Variants in DENND3 observed in about 807,000 individuals in gnomAD.
The protein encoded by DENND3 is DENN domain containing 3.
A neutral mutation model predicts 135.1 loss-of-function variants in DENND3; 88 were observed. The observed-to-expected ratio is 0.65, with a 90% CI of 0.55 to 0.78. The LOEUF (loss-of-function observed/expected upper bound fraction) is 0.78, where lower values mean the gene tolerates loss of function less well. DENND3 is among the 30% of genes least tolerant of loss of function. The pLI is 0.00. For synonymous variants in DENND3, 693 were observed against 712.3 expected, an observed-to-expected ratio of 0.97 and a Z score of 0.43; for missense variants, 1,392 against 1,688.4, an observed-to-expected ratio of 0.82 and a Z score of 3.08.
Position 141,175,356 on chromosome 8 carries a change from C to T in DENND3, c.2432C>T (p.Thr811Ile). ...TGTAAGTTGTCCAGCTCCGTCAAGA[C>T]AAACCTAGGCGTTGGCAAGATCGCC... ...CVCKLSSSVK[T>I]NLGVGKIAMT... The change falls in exon 14 of 23, where the codon ACA becomes ATA. Residue 811 changes from threonine (T) to isoleucine (I), a missense_variant. By Grantham distance (89) the Thr-to-Ile change is moderately conservative (BLOSUM62 -1). Coordinates refer to ENST00000519811, the MANE Select transcript of DENND3 (RefSeq NM_001352890.3). The surrounding 1 kb of genome is among the most constrained non-coding windows in gnomAD (Gnocchi z 5.4). 2 of 1,614,224 alleles carry T rather than the reference C, an allele frequency of 1.2e-6. No homozygotes were observed. Among genetic ancestry groups the T allele is most frequent in the Non-Finnish European group, 1.7e-6 (2 of 1,180,040 alleles).
intron 18 of DENND3, 99 bp downstream of exon 18, chr8:141,185,377 C>G: frequency 6.7e-7 from 1 of 1,489,572 alleles, no homozygotes; most frequent in Non-Finnish European, 9.1e-7. Context: ...ACAAGCTATT[C>G]CACAGCCTCA....
chr8:141,160,749 A>G lies in DENND3; in HGVS notation c.1314A>G (p.Ile438Met), dbSNP rs1820036656. The change falls in exon 9 of 23, where the codon ATA (isoleucine) becomes ATG (methionine). Residue 438 changes from isoleucine to methionine, a missense_variant. Coordinates refer to ENST00000519811, the MANE Select transcript of DENND3 (RefSeq NM_001352890.3). ...RSWQQKLNCQIQQTTLQLLVS... is the reference protein window; with the variant it reads ...RSWQQKLNCQMQQTTLQLLVS... ...GGCAGCAGAAACTCAACTGCCAGAT[A>G]CAGCAGACCACCCTGCAGCTGCTCG... The G allele has an allele frequency of 6.2e-7, 1 of 1,612,986 alleles. No individual in the cohort carries two copies. Among genetic ancestry groups the G allele is most frequent in the East Asian group, 2.2e-5 (1 of 44,870 alleles).
At chr8:141,159,370 CT>C (rs1408274699) in intron 8 of DENND3, among the ~76,000 whole-genome samples, 8 of 152,352 alleles carry the variant, frequency 5.3e-5, no homozygotes, top group Admixed American at 2.6e-4. Flanking sequence ...CCCACTCCCC[CT>C]ACCATGCTGG....
chr8:141,190,371 A>C lies in DENND3; in HGVS notation c.3333A>C (p.Arg1111=), dbSNP rs778223860. The C allele has an allele frequency of 5.0e-6, 8 of 1,612,806 alleles. No homozygotes were observed. The Admixed American group carries it at 6.7e-5, about 13-fold the overall frequency. Residue 1111 remains arginine (R), a synonymous_variant, in exon 20 of 23, where the codon CGA becomes CGC. Transcript: ENST00000519811. The part of the protein sequence containing the change: ...LQVTSRFQLP[R]GGLTSIRLHG... ...TGACCAGCCGCTTCCAGCTGCCGCG[A>C]GGTGGCCTGACGTCCATCAGACTGC...
chr8:141,177,768 A>G, intron 15 of DENND3: 1 of 297,242 alleles, frequency 3.4e-6, no homozygotes, highest in South Asian at 7.2e-5. Flanking sequence ...CGGTGCTCCC[A>G]TGCCGCAGTG....
At chr8:141,156,070 TG>T (rs1819391755) in intron 8 of DENND3, 100 bp downstream of exon 8, 1 of 1,405,594 alleles carries the variant, frequency 7.1e-7, no homozygotes, top group East Asian at 2.5e-5. Context: ...AACTGATAGA[TG>T]TTTTATATAT....
intron 1 of DENND3, among the ~76,000 whole-genome samples, chr8:141,136,268 G>A (rs1308766589): frequency 6.6e-6 from 1 of 152,184 alleles, no homozygotes; most frequent in Non-Finnish European, 1.5e-5. Context: ...GTGAGGTCCT[G>A]CTGTCCATGT....
chr8:141,186,373 A>G (rs967016496), intron 18 of DENND3, among the ~76,000 whole-genome samples: 5 of 152,038 alleles, frequency 3.3e-5, no homozygotes, highest in Non-Finnish European at 7.4e-5. Context: ...GCCCAGCAAA[A>G]CTCAGTGTCC....
chr8:141,147,564 A>C lies in DENND3; in HGVS notation c.736-3270A>C, dbSNP rs551222092. On this transcript the variant is annotated intron_variant, in intron 5 of 22. Transcript: ENST00000519811. ...ATTTTCTTGTGGCCAGCTGTGGCTCATCTCTGGTCACTCTCAGCGGTCAGG... is the reference window on the plus strand; with the variant it reads ...ATTTTCTTGTGGCCAGCTGTGGCTCCTCTCTGGTCACTCTCAGCGGTCAGG... 1.4e-4 allele frequency among the ~76,000 whole-genome samples: 21 copies of C among 152,290 alleles called. No homozygotes were observed. In the South Asian group the frequency reaches 4.3e-3, roughly 32 times the overall value.
chr8:141,191,350 G>GT (rs1170651124), intron 20 of DENND3: 1 of 152,258 alleles, frequency 6.6e-6, no homozygotes, highest in Non-Finnish European at 1.5e-5. Context: ...GACGTTCTGA[G>GT]TATCAATATC....
intron 16 of DENND3, among the ~76,000 whole-genome samples, chr8:141,179,055 A>G (rs1350160103): frequency 6.6e-6 from 1 of 152,226 alleles, no homozygotes; most frequent in African/African-American, 2.4e-5. Context: ...AAAGTCGCAG[A>G]ATTAGGAACA....
intron 20 of DENND3, 100 bp from the exon 21 acceptor site, chr8:141,192,231 C>A (rs1824847741): frequency 2.0e-6 from 3 of 1,493,480 alleles, no homozygotes; most frequent in African/African-American, 2.8e-5. Context: ...TGATCCCCCC[C>A]ATCACCACGC....
chr8:141,194,251 A>G lies in DENND3; in HGVS notation c.*18A>G. 1 of 1,607,760 alleles carries G rather than the reference A, an allele frequency of 6.2e-7. No individual in the cohort carries two copies. ...GCGAATAAACGTGGCTGAGTCTGCC[A>G]AGTGGAACTGTGCCCTATGTGTGGG... On this transcript the variant is annotated 3_prime_UTR_variant, in exon 23 of 23. Transcript: ENST00000519811.
In DENND3 at chr8:141,166,167, C is replaced by T. The variant is rs113548176; in HGVS notation, c.1554-23C>T. On this transcript the variant is annotated intron_variant, in intron 11 of 22. Transcript: ENST00000519811. This position sits in a 1 kb window ranked among gnomAD's most constrained non-coding sequence, Gnocchi z 4.3. ...AATCATTATTGTGTCTATAAACTAA[C>T]GCGTTGCTTTTTCGTACCCCAGAAT... 29 of 1,609,052 alleles carry T rather than the reference C, an allele frequency of 1.8e-5. No individual in the cohort carries two copies. Among genetic ancestry groups the T allele is most frequent in the African/African-American group, 9.3e-5 (7 of 74,894 alleles).
chr8:141,185,093 G>A lies in DENND3; in HGVS notation c.2945-46G>A, dbSNP rs372533173. ...AGGGCACCAGTCACCTGCTGCTACA[G>A]CAGAAGTGTTTCCTCCTAACAGTTT... On this transcript the variant is annotated intron_variant, in intron 17 of 22. Coordinates refer to ENST00000519811, the MANE Select transcript of DENND3 (RefSeq NM_001352890.3). The A allele has an allele frequency of 2.8e-5, 44 of 1,583,836 alleles. No individual in the cohort carries two copies. The African/African-American group carries it at 4.8e-4, about 17-fold the overall frequency.
chr8:141,131,098 C>T (rs1276155439), intron 1 of DENND3, among the ~76,000 whole-genome samples: 1 of 152,100 alleles, frequency 6.6e-6, no homozygotes, highest in Non-Finnish European at 1.5e-5. Flanking sequence ...GAATATCCAG[C>T]TTCATGTTGG....
At chr8:141,148,768 A>G (rs1249919713) in intron 5 of DENND3, among the ~76,000 whole-genome samples, 3 of 151,870 alleles carry the variant, frequency 2.0e-5, no homozygotes, top group Non-Finnish European at 4.4e-5. Context: ...CTTTAATTGG[A>G]TAGCTGGTCG....
Position 141,144,759 on chromosome 8 carries a change from C to G in DENND3, c.735+500C>G, listed in dbSNP as rs909855117. Among the ~76,000 whole-genome samples, 2 of 152,148 alleles carry G rather than the reference C, an allele frequency of 1.3e-5. No homozygotes were observed. Among genetic ancestry groups the G allele is most frequent in the Non-Finnish European group, 2.9e-5 (2 of 68,028 alleles). On this transcript the variant is annotated intron_variant, in intron 5 of 22. Transcript: ENST00000519811. This position sits in a 1 kb window ranked among gnomAD's most constrained non-coding sequence, Gnocchi z 4.4. ...AATGGAGATCCTAAGACCGACAGAACAGACTCTCTGTGGCCATAAGATTCC... is the reference window on the plus strand; with the variant it reads ...AATGGAGATCCTAAGACCGACAGAAGAGACTCTCTGTGGCCATAAGATTCC...
chr8:141,189,194 G>A, intron 19 of DENND3, 48 bp downstream of exon 19: 1 of 1,612,654 alleles, frequency 6.2e-7, no homozygotes, highest in East Asian at 2.2e-5. Context: ...CTTGTGGGTG[G>A]GCAGAAGGCA....
Sources: allele counts gnomAD v4.1 joint callset (sites outside exome capture counted in the v4.1 genomes callset), GRCh38; gene constraint gnomAD v4.1.1; non-coding constraint Gnocchi (gnomAD v3.1); transcripts MANE v1.5; gene names NCBI Gene and HGNC (gene_info 2026-07-23, HGNC 2026-07-21).